STXBP5L: variants seen among roughly 807,000 people sequenced by gnomAD.
The protein encoded by STXBP5L is syntaxin binding protein 5L, also known as syntaxin-binding protein 5-like.
Under a neutral mutation model 144.5 loss-of-function variants are expected in STXBP5L, and 65 were observed. The observed-to-expected ratio is 0.45, with a 90% CI of 0.37 to 0.55. STXBP5L has a LOEUF of 0.55. Ranked by LOEUF, STXBP5L falls within the 20% of genes least tolerant of loss-of-function variation. The pLI, the probability that STXBP5L is intolerant of heterozygous loss-of-function variation, is 0.00. For synonymous variants in STXBP5L, 505 were observed against 469.6 expected (o/e 1.08, Z -0.97); for missense variants, 1,298 against 1,405.5 (o/e 0.92, Z 1.22).
intron 19 of STXBP5L, among the ~76,000 whole-genome samples, chr3:121,313,220 C>G (rs1397667514): frequency 9.2e-6 from 1 of 108,402 alleles, no homozygotes; most frequent in Non-Finnish European, 1.8e-5. Context: ...GGGGGGCTGA[C>G]CCCCCCCACC....
intron 10 of STXBP5L, among the ~76,000 whole-genome samples, chr3:121,206,681 G>A (rs1193790413): frequency 1.3e-5 from 2 of 152,076 alleles, no homozygotes; most frequent in Admixed American, 1.3e-4. Context: ...GGGCATGGTG[G>A]CATGTGCCTG....
At chr3:121,239,515 A>T (rs1044696554) in intron 13 of STXBP5L, among the ~76,000 whole-genome samples, 4 of 151,642 alleles carry the variant, frequency 2.6e-5, no homozygotes, top group African/African-American at 9.7e-5. Flanking sequence ...TACACCATGG[A>T]ATACTATGCA....
chr3:121,272,969 C>A (rs2050773930), intron 18 of STXBP5L, among the ~76,000 whole-genome samples: 1 of 151,924 alleles, frequency 6.6e-6, no homozygotes, highest in South Asian at 2.1e-4. Flanking sequence ...AACAAAACAA[C>A]AAAATATTAT....
At chr3:121,220,123 G>A (rs1289705028) in intron 10 of STXBP5L, among the ~76,000 whole-genome samples, 14 of 151,792 alleles carry the variant, frequency 9.2e-5, no homozygotes, top group Admixed American at 6.6e-4. Context: ...TCCCTTTATA[G>A]TCACTCCTCT....
At chr3:121,415,050 G>A (rs2047200553) in intron 24 of STXBP5L, among the ~76,000 whole-genome samples, 1 of 152,140 alleles carries the variant, frequency 6.6e-6, no homozygotes, top group African/African-American at 2.4e-5. Context: ...AAGAGCACAG[G>A]TCTCAGTAGA....
chr3:120,931,316 G>C (rs1377072174), intron 2 of STXBP5L, among the ~76,000 whole-genome samples: 2 of 152,146 alleles, frequency 1.3e-5, no homozygotes. Context: ...AGAAGCAGTT[G>C]CATATGTTAG....
intron 20 of STXBP5L, among the ~76,000 whole-genome samples, chr3:121,341,124 A>C (rs2044694023): frequency 6.6e-6 from 1 of 152,178 alleles, no homozygotes; most frequent in Non-Finnish European, 1.5e-5. Flanking sequence ...ACAAGGAATT[A>C]ATAACCAGAA....
chr3:121,043,756 T>C (rs1947320254), intron 4 of STXBP5L, among the ~76,000 whole-genome samples: 1 of 152,116 alleles, frequency 6.6e-6, no homozygotes, highest in Non-Finnish European at 1.5e-5. Flanking sequence ...CTCACTAGAA[T>C]TATTTAGGTA....
chr3:121,198,960 C>T (rs908722364), intron 9 of STXBP5L, among the ~76,000 whole-genome samples: 2 of 152,098 alleles, frequency 1.3e-5, no homozygotes, highest in Non-Finnish European at 2.9e-5. Flanking sequence ...AGTGTCTTAC[C>T]TATACGGGTT....
chr3:121,040,573 G>T (rs1255365986), intron 3 of STXBP5L, among the ~76,000 whole-genome samples: 2 of 151,902 alleles, frequency 1.3e-5, no homozygotes, highest in East Asian at 1.9e-4. Context: ...AAGATTTGAG[G>T]AAGACCCTTC....
chr3:120,954,536 A>G (rs1937810517), intron 2 of STXBP5L, among the ~76,000 whole-genome samples: 3 of 151,926 alleles, frequency 2.0e-5, no homozygotes, highest in African/African-American at 7.2e-5. Context: ...ATATCATATC[A>G]CAGTTTGTTT....
intron 5 of STXBP5L, among the ~76,000 whole-genome samples, chr3:121,103,238 A>G (rs1215357611): frequency 1.3e-5 from 2 of 152,078 alleles, no homozygotes; most frequent in East Asian, 1.9e-4. Flanking sequence ...AAAATGTCAC[A>G]TGTATGTTCA....
intron 3 of STXBP5L, among the ~76,000 whole-genome samples, chr3:121,014,706 G>T (rs970726943): frequency 1.7e-4 from 26 of 151,948 alleles, no homozygotes; most frequent in Non-Finnish European, 7.4e-5. Context: ...CCAGCAATAT[G>T]TCACTGTTTC....
At chr3:121,216,516 G>A (rs934636991) in intron 10 of STXBP5L, among the ~76,000 whole-genome samples, 22 of 152,184 alleles carry the variant, frequency 1.4e-4, no homozygotes, top group African/African-American at 5.3e-4. Flanking sequence ...ACGGGAGTCT[G>A]CAGAACAGGA....
intron 3 of STXBP5L, among the ~76,000 whole-genome samples, chr3:120,960,540 A>G (rs544253767): frequency 6.6e-6 from 1 of 152,242 alleles, no homozygotes; most frequent in Non-Finnish European, 1.5e-5. Flanking sequence ...CTGGATTAAG[A>G]AAATATGACA....
intron 2 of STXBP5L, among the ~76,000 whole-genome samples, chr3:120,931,514 C>G (rs1200372486): frequency 6.6e-6 from 1 of 152,150 alleles, no homozygotes; most frequent in African/African-American, 2.4e-5. Flanking sequence ...TGACCCAGCC[C>G]TTAGTGCCAG....
intron 19 of STXBP5L, among the ~76,000 whole-genome samples, chr3:121,312,736 G>A (rs1181228364): frequency 2.0e-5 from 3 of 151,784 alleles, no homozygotes; most frequent in African/African-American, 7.3e-5. Context: ...ATTTAACGCT[G>A]AGTGGACACA....
At chr3:121,348,970 T>C (rs1190358728) in intron 20 of STXBP5L, among the ~76,000 whole-genome samples, 4 of 152,150 alleles carry the variant, frequency 2.6e-5, no homozygotes, top group Admixed American at 2.6e-4. Context: ...AGTTCTGCTC[T>C]GATGTTAGTT....
intron 18 of STXBP5L, among the ~76,000 whole-genome samples, chr3:121,268,922 TATC>T (rs2108412986): frequency 6.6e-6 from 1 of 152,336 alleles, no homozygotes; most frequent in South Asian, 2.1e-4. Flanking sequence ...TTTATGTCAT[TATC>T]ATTTAGTAGT....
Sources: gnomAD v4.1 joint callset for allele counts (sites outside exome capture counted in the v4.1 genomes callset) on GRCh38, gnomAD v4.1.1 for gene constraint, MANE v1.5 for transcripts, NCBI Gene and HGNC (gene_info 2026-07-23, HGNC 2026-07-21) for gene names.